The following BABAM2 variants were observed in gnomAD, a reference collection of about 807,000 sequenced individuals.
BABAM2 encodes BRISC and BRCA1 A complex member 2.
BABAM2 carries 31 observed loss-of-function variants against 54.7 expected under a neutral mutation model. The observed-to-expected ratio is 0.57, with a 90% CI of 0.43 to 0.77. The LOEUF is 0.77. Among genes scored for constraint, BABAM2 ranks in the 30% least tolerant of loss-of-function variants. The pLI, the probability that BABAM2 is intolerant of heterozygous loss-of-function variation, is 0.00. For synonymous variants in BABAM2, 167 were observed against 162.9 expected (o/e 1.03, Z -0.19); for missense variants, 364 against 455.8 (o/e 0.80, Z 1.83).
rs148786618 is a variant in BABAM2, at chr2:28,328,857, G to A, written c.1089-9593G>A. ...TAACTGCCTTAGGTGCTCTCTCCCC[G>A]CTGCCAGTCCCCAACCTCTTTGGGT... On this transcript the variant is annotated intron_variant, in intron 11 of 11. Transcript: ENST00000379624. Among the ~76,000 whole-genome samples the A allele has an allele frequency of 2.9e-3, 448 of 152,210 alleles. 11 individuals are homozygous for A. The highest frequency in any genetic ancestry group is 0.026 in the Admixed American group (404 of 15,298).
At chr2:28,050,427 C>T (rs1677912764) in intron 6 of BABAM2, among the ~76,000 whole-genome samples, 1 of 152,084 alleles carries the variant, frequency 6.6e-6, no homozygotes, top group Admixed American at 6.6e-5. Context: ...TACTATGACC[C>T]AGTGGGTAAC....
chr2:28,336,441 G>T (rs74400695), intron 11 of BABAM2, among the ~76,000 whole-genome samples: 2,094 of 152,270 alleles, frequency 0.014, 30 homozygotes, highest in African/African-American at 0.048. Context: ...TTGGAGACGT[G>T]GGACTGGAAG....
chr2:28,072,931 C>T (rs1311176360), intron 6 of BABAM2, among the ~76,000 whole-genome samples: 1 of 152,220 alleles, frequency 6.6e-6, no homozygotes, highest in East Asian at 1.9e-4. Context: ...ATCTCCTCTC[C>T]TGTTTCCCAA....
At chr2:28,335,688 C>T (rs1380665974) in intron 11 of BABAM2, among the ~76,000 whole-genome samples, 4 of 152,196 alleles carry the variant, frequency 2.6e-5, no homozygotes, top group Admixed American at 2.6e-4. Context: ...GAAGCACGGA[C>T]AGTGTGCAGG....
rs762342085 is a variant in BABAM2 at position 28,244,856 on chromosome 2, G to T, written c.928G>T (p.Val310Leu). The change falls in exon 10 of 12, where the codon GTA becomes TTA. Residue 310 changes from valine (V) to leucine (L), a missense_variant. Coordinates refer to ENST00000379624, the MANE Select transcript of BABAM2 (RefSeq NM_199191.3). ...GATGTGGAAAGATTTTTGTTTTCTTGTACACAGTGAGTATACTTTTGCTGT... is the reference window on the plus strand; with the variant it reads ...GATGTGGAAAGATTTTTGTTTTCTTTTACACAGTGAGTATACTTTTGCTGT... The part of the protein sequence containing the change: ...LLMWKDFCFL[V>L]HIDLPLFFPR... The T allele has an allele frequency of 1.9e-6, 3 of 1,613,606 alleles. No homozygotes were observed. Among genetic ancestry groups the T allele is most frequent in the East Asian group, 2.2e-5 (1 of 44,852 alleles).
chr2:28,190,997 G>A (rs1485220938), intron 7 of BABAM2, among the ~76,000 whole-genome samples: 1 of 152,044 alleles, frequency 6.6e-6, no homozygotes, highest in African/African-American at 2.4e-5. Context: ...GCTCTTCAAG[G>A]CACGGTTACA....
chr2:27,987,351 A>G (rs1672471092), intron 3 of BABAM2, among the ~76,000 whole-genome samples: 2 of 152,222 alleles, frequency 1.3e-5, no homozygotes, highest in Admixed American at 6.5e-5. Flanking sequence ...AGTCTTCGTA[A>G]AGGCTTACTA....
intron 11 of BABAM2, among the ~76,000 whole-genome samples, chr2:28,307,336 T>C (rs888519252): frequency 2.0e-5 from 3 of 151,696 alleles, no homozygotes; most frequent in African/African-American, 7.3e-5. Context: ...TATTTATACA[T>C]TTAATATAAA....
chr2:28,113,118 A>T (rs540451527), intron 6 of BABAM2, among the ~76,000 whole-genome samples: 1 of 152,052 alleles, frequency 6.6e-6, no homozygotes, highest in Non-Finnish European at 1.5e-5. Flanking sequence ...TGTCAGATGG[A>T]TAGATTGCAA....
chr2:28,325,917 G>A lies in BABAM2; in HGVS notation c.1089-12533G>A, dbSNP rs1370978329. 6.6e-6 allele frequency among the ~76,000 whole-genome samples: 1 copy of A among 152,216 alleles called. No individual in the cohort carries two copies. The highest frequency in any genetic ancestry group is 1.5e-5 in the Non-Finnish European group (1 of 68,040). On this transcript the variant is annotated intron_variant, in intron 11 of 11. Coordinates refer to ENST00000379624, the MANE Select transcript of BABAM2 (RefSeq NM_199191.3). The surrounding 1 kb of genome is among the most constrained non-coding windows in gnomAD (Gnocchi z 4.3). ...AAAGCCCTAGAGAGACTCAGGGGAG[G>A]GGAAGGTTAGAGGCCTCAAGGAGTT...
chr2:28,278,126 T>C (rs1686035592), intron 10 of BABAM2, among the ~76,000 whole-genome samples: 2 of 152,192 alleles, frequency 1.3e-5, no homozygotes. Context: ...AATGTGGAGA[T>C]GAGACAGGAA....
chr2:28,274,387 G>A (rs1222135835), intron 10 of BABAM2, among the ~76,000 whole-genome samples: 2 of 152,144 alleles, frequency 1.3e-5, no homozygotes, highest in Admixed American at 6.5e-5. Flanking sequence ...TCATTATTCT[G>A]CTTAATTTGC....
At chr2:28,026,767 A>AT (rs61153679) in intron 5 of BABAM2, among the ~76,000 whole-genome samples, 4 of 108,716 alleles carry the variant, frequency 3.7e-5, no homozygotes, top group African/African-American at 1.1e-4. Flanking sequence ...ATATCTATAT[A>AT]AATATATAAA....
intron 3 of BABAM2, among the ~76,000 whole-genome samples, chr2:27,956,565 A>G (rs1305058768): frequency 6.6e-6 from 1 of 152,202 alleles, no homozygotes. Context: ...TAAATGAGTG[A>G]TACAAAGGCA....
chr2:28,023,173 G>T (rs563226729), intron 4 of BABAM2, among the ~76,000 whole-genome samples: 1 of 152,266 alleles, frequency 6.6e-6, no homozygotes, highest in Non-Finnish European at 1.5e-5. Context: ...ATTCAAGTTG[G>T]TAAGGTATGT....
rs1406348556 is a variant in BABAM2 at position 28,182,471 on chromosome 2, C to T, written c.680+53091C>T. On this transcript the variant is annotated intron_variant, in intron 7 of 11. Coordinates refer to ENST00000379624, the MANE Select transcript of BABAM2 (RefSeq NM_199191.3). ...GCTGTGATGAAACATCACTAGGGTA[C>T]CTCCACTCCCCATACAGTTAGGAAA... 6.6e-5 allele frequency among the ~76,000 whole-genome samples: 10 copies of T among 152,140 alleles called. No individual in the cohort carries two copies. The East Asian group carries it at 1.9e-3, about 29-fold the overall frequency.
chr2:28,262,199 C>A (rs1293910576), intron 10 of BABAM2, among the ~76,000 whole-genome samples: 2 of 151,898 alleles, frequency 1.3e-5, no homozygotes, highest in African/African-American at 4.8e-5. Context: ...TTTAGAGGAT[C>A]CCAAGAAGTA....
At chr2:28,156,906 A>G (rs1672592346) in intron 7 of BABAM2, among the ~76,000 whole-genome samples, 1 of 152,210 alleles carries the variant, frequency 6.6e-6, no homozygotes, top group African/African-American at 2.4e-5. Context: ...TTAATGGGAA[A>G]ATATGATTCA....
At chr2:28,073,254 G>C (rs1211681072) in intron 6 of BABAM2, among the ~76,000 whole-genome samples, 1 of 152,124 alleles carries the variant, frequency 6.6e-6, no homozygotes, top group Non-Finnish European at 1.5e-5. Context: ...CAGCACTTTG[G>C]GAGGCTGAGG....
Sources: gnomAD v4.1 joint callset for allele counts (sites outside exome capture counted in the v4.1 genomes callset) on GRCh38, gnomAD v4.1.1 for gene constraint, Gnocchi (gnomAD v3.1) non-coding constraint, MANE v1.5 for transcripts, NCBI Gene and HGNC (gene_info 2026-07-23, HGNC 2026-07-21) for gene names.